The following FTSJ3 variants were observed in gnomAD, a reference collection of about 807,000 sequenced individuals.
FTSJ3 encodes FtsJ RNA 2'-O-methyltransferase 3.
A neutral mutation model predicts 111.5 loss-of-function variants in FTSJ3; 46 were observed. The ratio of observed to expected loss-of-function variants is 0.41; its 90% CI spans 0.33 to 0.53. The LOEUF is 0.53. Ranked by LOEUF, FTSJ3 falls within the 20% of genes least tolerant of loss-of-function variation. The pLI, the probability that FTSJ3 is intolerant of heterozygous loss-of-function variation, is 0.19. For synonymous variants in FTSJ3, 408 were observed against 383.0 expected, an observed-to-expected ratio of 1.07 and a Z score of -0.76; for missense variants, 1,075 against 1,063.8, an observed-to-expected ratio of 1.01 and a Z score of -0.15.
At chr17:63,820,215 A>AC in intron 19 of FTSJ3, 40 bp downstream of exon 19, 12 of 279,822 alleles carry the variant, frequency 4.3e-5, no homozygotes, top group Non-Finnish European at 6.6e-5. Flanking sequence ...CCATCCCCCC[A>AC]CCCCCACCCC....
intron 13 of FTSJ3, chr17:63,823,488 G>A (rs1474463861): frequency 1.2e-4 from 23 of 199,408 alleles, no homozygotes; most frequent in Admixed American, 2.2e-4. Context: ...CCAGCTACTC[G>A]GGAGGCTGAG....
Position 63,824,137 on chromosome 17 carries a change from T to C in FTSJ3, c.1101A>G (p.Gln367=). The C allele has an allele frequency of 6.2e-7, 1 of 1,614,130 alleles. No individual in the cohort carries two copies. The highest frequency in any genetic ancestry group is 1.1e-5 in the South Asian group (1 of 91,082). ...KEEEEEEEEE[Q]LNQTLAEMKA... ...TCATTTCTGCCAAGGTCTGGTTCAG[T>C]TGTTCCTCCTCCTCCTCTTCCTCCT... Residue 367 remains glutamine, a synonymous_variant, in exon 12 of 21, where the codon CAA becomes CAG. Transcript: ENST00000427159.
chr17:63,824,143 C>T lies in FTSJ3; in HGVS notation c.1095G>A (p.Glu365=), dbSNP rs1161480466. 1.2e-6 allele frequency: 2 copies of T among 1,613,602 alleles called. No individual in the cohort carries two copies. Among genetic ancestry groups the T allele is most frequent in the Non-Finnish European group, 8.5e-7 (1 of 1,179,656 alleles). ...PSKEEEEEEE[E]EQLNQTLAEM... ...CTGCCAAGGTCTGGTTCAGTTGTTCCTCCTCCTCCTCTTCCTCCTCCTCCT... is the reference window on the plus strand; with the variant it reads ...CTGCCAAGGTCTGGTTCAGTTGTTCTTCCTCCTCCTCTTCCTCCTCCTCCT... The change falls in exon 12 of 21, where the codon GAG becomes GAA. Residue 365 remains glutamate (E), a synonymous_variant. Transcript: ENST00000427159.
At chr17:63,825,213 T>C (rs1481716748) in intron 7 of FTSJ3, 29 bp downstream of exon 7, 2 of 1,613,750 alleles carry the variant, frequency 1.2e-6, no homozygotes, top group Non-Finnish European at 1.7e-6. Context: ...GTTGGGAGCC[T>C]GGATCAAGAG....
chr17:63,824,085 T>G lies in FTSJ3; in HGVS notation c.1153A>C (p.Arg385=). The stretch of plus-strand genomic sequence containing the variant: ...AAGCTCTACCCCAGCTCCTTTCACC[T>G]CTTCAATTCCGCCACCTCCTGGGCC... ...MKAQEVAELK[R]KKKKLLREQR... is the part of the protein sequence containing the mutation. Residue 385 remains arginine (R), a splice_region_variant and synonymous_variant, in exon 12 of 21, where the codon AGG becomes CGG. Coordinates refer to ENST00000427159, the MANE Select transcript of FTSJ3 (RefSeq NM_017647.4). The G allele has an allele frequency of 1.2e-6, 2 of 1,614,132 alleles. No homozygotes were observed. The highest frequency in any genetic ancestry group is 8.5e-7 in the Non-Finnish European group (1 of 1,180,018).
At chr17:63,822,246 CTA>C in intron 13 of FTSJ3, 78 bp from the exon 14 acceptor site, 3 of 1,213,238 alleles carry the variant, frequency 2.5e-6, no homozygotes, top group Non-Finnish European at 2.3e-6. Context: ...TCACCTCAGT[CTA>C]TGCTCAGCAA....
In FTSJ3 at chr17:63,819,563, A is replaced by G. The variant is rs2040025887; in HGVS notation, c.*239T>C. ...GAACTTCCCTTTAACGGTTTAAAAA[A>G]AGGGTCATGAGTGTCAACACAGTTC... On this transcript the variant is annotated 3_prime_UTR_variant, in exon 21 of 21. Coordinates refer to ENST00000427159, the MANE Select transcript of FTSJ3 (RefSeq NM_017647.4). 4.2e-6 allele frequency: 2 copies of G among 476,596 alleles called. No individual in the cohort carries two copies. 29.5% of individuals were successfully genotyped at this position (476,596 alleles called of 1,614,324 possible).
At position 63,822,144 on chromosome 17, in the gene FTSJ3, C is replaced by G. The variant is rs776832064; in HGVS notation, c.1315G>C (p.Asp439His). 2.5e-6 allele frequency: 4 copies of G among 1,613,996 alleles called. No homozygotes were observed. The change falls in exon 14 of 21, where the codon GAT becomes CAT. Residue 439 changes from aspartate to histidine, a missense_variant. Transcript: ENST00000427159. ...AGAAATGTGTCTGCTGCACTCATAT[C>G]CCCTTGTGTTACTTCCTCTAATAAC... ...HQLLEEVTQG[D>H]MSAADTFLSD...
chr17:63,820,044 T>C lies in FTSJ3; in HGVS notation c.2351+35A>G, dbSNP rs753515910. On this transcript the variant is annotated intron_variant, in intron 20 of 20. Coordinates refer to ENST00000427159, the MANE Select transcript of FTSJ3 (RefSeq NM_017647.4). ...AGAGGCTTGCTTTCTGCTGCACTTT[T>C]AGCCCTGTGTACCTTTGTGGTGTCC... is the stretch of plus-strand genomic sequence containing the variant. 9.3e-6 allele frequency: 15 copies of C among 1,614,050 alleles called. 1 individual carries two copies. Among genetic ancestry groups the C allele is most frequent in the South Asian group, 8.8e-5 (8 of 91,074 alleles).
At chr17:63,822,211 TA>T in intron 13 of FTSJ3, 43 bp from the exon 14 acceptor site, 3 of 1,563,666 alleles carry the variant, frequency 1.9e-6, no homozygotes, top group Non-Finnish European at 2.6e-6. Context: ...TAAAAGGAAA[TA>T]TACTGTTTTT....
rs753764737 is a variant in FTSJ3 at position 63,820,849 on chromosome 17, A to C, written c.2062T>G (p.Ser688Ala). ...KKAKRDLIDN[S>A]FNRYTFNEDE... ...TTATGGCCCCTTTACCGGTTGAAGG[A>C]GTTATCTATGAGGTCTCTCTTGGCC... Residue 688 changes from serine (S) to alanine (A), a missense_variant, in exon 18 of 21, where the codon TCC (serine) becomes GCC (alanine). Ser to Ala is a moderately conservative substitution (Grantham distance 99). Coordinates refer to ENST00000427159, the MANE Select transcript of FTSJ3 (RefSeq NM_017647.4). 2.5e-6 allele frequency: 4 copies of C among 1,612,476 alleles called. No individual in the cohort carries two copies. The highest frequency in any genetic ancestry group is 3.4e-6 in the Non-Finnish European group (4 of 1,178,630).
chr17:63,823,958 G>C lies in FTSJ3; in HGVS notation c.1155-6C>G. The C allele has an allele frequency of 1.2e-6, 2 of 1,614,172 alleles. No individual in the cohort carries two copies. The highest frequency in any genetic ancestry group is 8.5e-7 in the Non-Finnish European group (1 of 1,180,018). ...GCAACAGCTTCTTTTTCTTCCTGAG[G>C]GGGTGGATTGAGGGAGTAAAACCGG... On this transcript the variant is annotated splice_region_variant and splice_polypyrimidine_tract_variant and intron_variant, in intron 12 of 20. Transcript: ENST00000427159.
At chr17:63,826,543 C>T in intron 3 of FTSJ3, 24 bp downstream of exon 3, 1 of 1,589,128 alleles carries the variant, frequency 6.3e-7, no homozygotes, top group Non-Finnish European at 8.6e-7. Context: ...CCACCAGGAG[C>T]AACCTGTGGC....
Position 63,825,531 on chromosome 17 carries a change from T to G in FTSJ3, c.400+5A>C, listed in dbSNP as rs1382082487. 6.2e-7 allele frequency: 1 copy of G among 1,613,636 alleles called. No homozygotes were observed. The highest frequency in any genetic ancestry group is 1.3e-5 in the African/African-American group (1 of 74,916). On this transcript the variant is annotated splice_donor_5th_base_variant and intron_variant, in intron 6 of 20. Coordinates refer to ENST00000427159, the MANE Select transcript of FTSJ3 (RefSeq NM_017647.4). ...CCTGATCTCCAAGCACCACACTCCC[T>G]GTACCTTGTGAGTAAGCATCATGGA...
At position 63,820,293 on chromosome 17, in the gene FTSJ3, T is replaced by C. The variant is rs866311658; in HGVS notation, c.2218A>G (p.Lys740Glu). 6 of 1,603,298 alleles carry C rather than the reference T, an allele frequency of 3.7e-6. No individual in the cohort carries two copies. In the African/African-American group the frequency reaches 6.8e-5, roughly 18 times the overall value. Residue 740 changes from lysine to glutamate, a missense_variant, in exon 19 of 21, where the codon AAG becomes GAG. By Grantham distance (56) the Lys-to-Glu change is moderately conservative. Coordinates refer to ENST00000427159, the MANE Select transcript of FTSJ3 (RefSeq NM_017647.4). ...CTAGCCTTAGCCTCAGCCACCTTCT[T>C]GATGGGACGTGCATTGATTTCCCGC... Reference protein sequence around the residue: ...RWREINARPIKKVAEAKARKK... With the variant: ...RWREINARPIEKVAEAKARKK...
In FTSJ3 at chr17:63,825,399, G is replaced by T. The variant is rs767316336; in HGVS notation, c.438C>A (p.Asp146Glu). The T allele has an allele frequency of 1.9e-6, 3 of 1,614,102 alleles. No homozygotes were observed. The African/African-American group carries it at 4.0e-5, about 22-fold the overall frequency. ...TGAAGCTGCCACCACGGGCCAAAAA[G>T]TCACAAGCCAAACGTAGAGCCATCA... ...LTLMALRLAC[D>E]FLARGGSFIT... Residue 146 changes from aspartate (D) to glutamate (E), a missense_variant, in exon 7 of 21, where the codon GAC (aspartate) becomes GAA (glutamate). Around this residue, in one of 2 missense-constraint regions of FTSJ3, gnomAD observed 208 missense variants for 266.9 expected, o/e 0.78. Coordinates refer to ENST00000427159, the MANE Select transcript of FTSJ3 (RefSeq NM_017647.4).
Position 63,824,162 on chromosome 17 carries a change from T to A in FTSJ3, c.1076A>T (p.Glu359Val). Residue 359 changes from glutamate to valine, a missense_variant, in exon 12 of 21, where the codon GAG becomes GTG. Physicochemically the swap from Glu to Val is moderately radical, Grantham distance 121. This residue lies in a region of FTSJ3 where 867 missense variants were observed against 796.9 expected (regional missense o/e 1.09). Coordinates refer to ENST00000427159, the MANE Select transcript of FTSJ3 (RefSeq NM_017647.4). ...TTGTTCCTCCTCCTCCTCTTCCTCC[T>A]CCTCCTTAGAGGGCTGCTTTGTGGT... Reference protein sequence around the residue: ...AGTTKQPSKEEEEEEEEEQLN... With the variant: ...AGTTKQPSKEVEEEEEEEQLN... 2 of 1,614,128 alleles carry A rather than the reference T, an allele frequency of 1.2e-6. No individual in the cohort carries two copies. Among genetic ancestry groups the A allele is most frequent in the Non-Finnish European group, 1.7e-6 (2 of 1,180,030 alleles).
chr17:63,824,078 T>TC lies in FTSJ3; in HGVS notation c.1154+5_1154+6insG. The TC allele has an allele frequency of 6.2e-7, 1 of 1,614,120 alleles. No individual in the cohort carries two copies. The highest frequency in any genetic ancestry group is 1.1e-5 in the South Asian group (1 of 91,082). ...GAACTCCAAGCTCTACCCCAGCTCC[T>TC]TTCACCTCTTCAATTCCGCCACCTC... On this transcript the variant is annotated splice_donor_region_variant and intron_variant, in intron 12 of 20. Coordinates refer to ENST00000427159, the MANE Select transcript of FTSJ3 (RefSeq NM_017647.4).
intron 17 of FTSJ3, 33 bp downstream of exon 17, chr17:63,820,997 C>T (rs750316097): frequency 1.2e-6 from 2 of 1,607,418 alleles, no homozygotes; most frequent in Admixed American, 1.7e-5. Context: ...TTCCAGTGGT[C>T]TTTTCTCATT....
Sources: allele counts gnomAD v4.1 joint callset, GRCh38; gene constraint gnomAD v4.1.1; regional missense constraint gnomAD v4.1.1; transcripts MANE v1.5; gene names NCBI Gene and HGNC (gene_info 2026-07-23, HGNC 2026-07-21).